ABHD17B: variants seen among roughly 807,000 people sequenced by gnomAD.
ABHD17B encodes the protein alpha/beta hydrolase domain-containing protein 17B.
ABHD17B carries 9 observed loss-of-function variants against 26.2 expected under a neutral mutation model. The observed-to-expected ratio is 0.34, with a 90% CI of 0.21 to 0.60. ABHD17B has a LOEUF of 0.60. Ranked by LOEUF, ABHD17B falls within the 20% of genes least tolerant of loss-of-function variation. The pLI is 0.80. For missense variants in ABHD17B, 224 were observed against 352.1 expected, an observed-to-expected ratio of 0.64 and a Z score of 2.91; for synonymous variants, 127 against 122.3, an observed-to-expected ratio of 1.04 and a Z score of -0.25.
chr9:71,862,592 CTTT>C (rs533615278), downstream of ABHD17B: 5 of 1,378,582 alleles, frequency 3.6e-6, no homozygotes, highest in Admixed American at 5.0e-5. Flanking sequence ...CACTTCCCTT[CTTT>C]ATGTTTCTGC....
At chr9:71,863,186 CTA>C (rs1825872413), downstream of ABHD17B, among the ~76,000 whole-genome samples, 1 of 152,046 alleles carries the variant, frequency 6.6e-6, no homozygotes, top group Admixed American at 6.6e-5. Flanking sequence ...CAAAATTGTA[CTA>C]TGTTAGTATG....
At chr9:71,890,915 G>GT (rs1480765325) in intron 1 of ABHD17B, among the ~76,000 whole-genome samples, 3 of 152,172 alleles carry the variant, frequency 2.0e-5, no homozygotes, top group Admixed American at 1.3e-4. Flanking sequence ...TCACAGCCCA[G>GT]TTGCCTGCCT....
At chr9:71,907,068 A>G (rs991303933) in intron 1 of ABHD17B, among the ~76,000 whole-genome samples, 20 of 152,220 alleles carry the variant, frequency 1.3e-4, no homozygotes, top group Admixed American at 7.9e-4. Context: ...GGATGTAGGT[A>G]GGGTCAAGAA....
At chr9:71,862,718 T>C, downstream of ABHD17B, 1 of 623,070 alleles carries the variant, frequency 1.6e-6, no homozygotes, top group Non-Finnish European at 2.9e-6. Context: ...TTGTCATGTA[T>C]GTCTAAATGC....
downstream of ABHD17B, among the ~76,000 whole-genome samples, chr9:71,863,877 T>C (rs1272715923): frequency 1.3e-5 from 2 of 152,174 alleles, no homozygotes; most frequent in Non-Finnish European, 2.9e-5. Flanking sequence ...TTTTCCAACT[T>C]GGCAAATACC....
Position 71,874,657 on chromosome 9 carries a change from G to T in ABHD17B, c.424C>A (p.Leu142Ile). The change falls in exon 2 of 4, where the codon CTC becomes ATC. Residue 142 changes from leucine (L) to isoleucine (I), a missense_variant. By Grantham distance (5) the Leu-to-Ile change is conservative (BLOSUM62 2). Coordinates refer to ENST00000333421, the MANE Select transcript of ABHD17B (RefSeq NM_001025780.3). ...ASSGKPTEKN[L>I]YADIEAAWLA... ...CAAGCAGCTTCAATGTCTGCATAGAGGTTCTTCTCTGTGGGTTTCCCGGAA... is the reference window on the plus strand; with the variant it reads ...CAAGCAGCTTCAATGTCTGCATAGATGTTCTTCTCTGTGGGTTTCCCGGAA... 1 of 1,611,648 alleles carries T rather than the reference G, an allele frequency of 6.2e-7. No individual in the cohort carries two copies. The highest frequency in any genetic ancestry group is 8.5e-7 in the Non-Finnish European group (1 of 1,178,716).
In ABHD17B at chr9:71,865,434, T is replaced by C; in HGVS notation, c.*1353A>G. ...TCAAGGAAAGGCAACTTAGTTTTTG[T>C]ATGTGTGAGCTTTATTTTTTTACTA... is the stretch of plus-strand genomic sequence containing the variant. On this transcript the variant is annotated 3_prime_UTR_variant, in exon 4 of 4. Coordinates refer to ENST00000333421, the MANE Select transcript of ABHD17B (RefSeq NM_001025780.3). 3 of 984,532 alleles carry C rather than the reference T, an allele frequency of 3.0e-6. No individual in the cohort carries two copies. Among genetic ancestry groups the C allele is most frequent in the Non-Finnish European group, 3.6e-6 (3 of 829,050 alleles). The allele number at this position is 984,532 out of a possible 1,614,324, so 61.0% of individuals were successfully genotyped here.
At chr9:71,867,081 A>T in intron 3 of ABHD17B, 75 bp from the exon 4 acceptor site, 8 of 1,483,048 alleles carry the variant, frequency 5.4e-6, no homozygotes, top group Non-Finnish European at 6.4e-6. Context: ...GCTATATCAG[A>T]CAGATAATTC....
chr9:71,884,882 A>C (rs946519039), intron 1 of ABHD17B, among the ~76,000 whole-genome samples: 8 of 152,232 alleles, frequency 5.3e-5, no homozygotes, highest in African/African-American at 1.9e-4. Context: ...AGCTCCTACA[A>C]AAGAAAGAAA....
At chr9:71,871,361 G>A (rs3780613) in intron 2 of ABHD17B, among the ~76,000 whole-genome samples, 122,772 of 152,142 alleles carry the variant, frequency 0.81, 50,345 homozygotes, top group East Asian at 0.93. Flanking sequence ...TACTACACAA[G>A]CATTTGTATA....
chr9:71,882,074 T>C (rs1033410921), intron 1 of ABHD17B, among the ~76,000 whole-genome samples: 1 of 152,122 alleles, frequency 6.6e-6, no homozygotes, highest in Non-Finnish European at 1.5e-5. Flanking sequence ...CAGCTTCATC[T>C]CCATTAAGAT....
intron 2 of ABHD17B, 99 bp downstream of exon 2, chr9:71,874,515 C>T: frequency 1.2e-6 from 1 of 855,622 alleles, no homozygotes; most frequent in Admixed American, 2.9e-5. Flanking sequence ...CTCTATATAG[C>T]AGTTATGTAT....
chr9:71,904,324 G>T (rs1368871629), intron 1 of ABHD17B, among the ~76,000 whole-genome samples: 1 of 152,120 alleles, frequency 6.6e-6, no homozygotes, highest in East Asian at 1.9e-4. Flanking sequence ...GGTACCCAGT[G>T]AACACTGGCC....
At chr9:71,886,012 CAGT>C (rs1413577393) in intron 1 of ABHD17B, among the ~76,000 whole-genome samples, 4 of 152,150 alleles carry the variant, frequency 2.6e-5, no homozygotes, top group African/African-American at 9.7e-5. Flanking sequence ...CAACTATGCT[CAGT>C]ACACTGTATG....
intron 1 of ABHD17B, among the ~76,000 whole-genome samples, chr9:71,875,650 T>C (rs1826252335): frequency 6.6e-6 from 1 of 152,182 alleles, no homozygotes. Flanking sequence ...TTAACATAAA[T>C]GTCAAAAATG....
intron 3 of ABHD17B, among the ~76,000 whole-genome samples, chr9:71,869,062 T>C (rs1221693047): frequency 6.6e-6 from 1 of 152,200 alleles, no homozygotes; most frequent in Non-Finnish European, 1.5e-5. Flanking sequence ...GAGACATAAG[T>C]TGACAACAAC....
At chr9:71,881,634 T>A (rs1269050266) in intron 1 of ABHD17B, among the ~76,000 whole-genome samples, 2 of 152,178 alleles carry the variant, frequency 1.3e-5, no homozygotes, top group Non-Finnish European at 2.9e-5. Context: ...AAGCCTGTAA[T>A]CCCAGCACTT....
chr9:71,892,105 T>C (rs930908104), intron 1 of ABHD17B, among the ~76,000 whole-genome samples: 1 of 152,240 alleles, frequency 6.6e-6, no homozygotes, highest in Admixed American at 6.5e-5. Flanking sequence ...TAATAAGGTT[T>C]CTTCTAGTTC....
At chr9:71,876,672 G>A (rs1826286542) in intron 1 of ABHD17B, among the ~76,000 whole-genome samples, 1 of 151,246 alleles carries the variant, frequency 6.6e-6, no homozygotes, top group South Asian at 2.1e-4. Flanking sequence ...CCAAAAATGG[G>A]AAGAAAACAA....
Sources: gnomAD v4.1 joint callset for allele counts (sites outside exome capture counted in the v4.1 genomes callset) on GRCh38, gnomAD v4.1.1 for gene constraint, MANE v1.5 for transcripts, NCBI Gene and HGNC (gene_info 2026-07-23, HGNC 2026-07-21) for gene names.